The following PDE10A variants were observed in gnomAD, a reference collection of about 807,000 sequenced individuals.
PDE10A encodes the protein phosphodiesterase 10A.
PDE10A carries 39 observed loss-of-function variants against 97.7 expected under a neutral mutation model. The ratio of observed to expected loss-of-function variants is 0.40; its 90% confidence interval spans 0.31 to 0.52. The LOEUF is 0.52. Ranked by LOEUF, PDE10A falls within the 20% of genes least tolerant of loss-of-function variation. PDE10A has a pLI of 0.56. For missense variants in PDE10A, 731 were observed against 1,047.8 expected (o/e 0.70, Z 4.17); for synonymous variants, 371 against 376.8 (o/e 0.98, Z 0.18).
Position 165,460,384 on chromosome 6 carries a change from G to A in PDE10A, c.1024-10022C>T, listed in dbSNP as rs180763936. Among the ~76,000 whole-genome samples the A allele has an allele frequency of 2.4e-3, 371 of 152,316 alleles. 2 individuals are homozygous for A. The highest frequency in any genetic ancestry group is 8.4e-3 in the African/African-American group (350 of 41,564). Reference sequence around the variant, plus strand: ...CAGGGAAGCACAAAGCACAGCTCCTGATTGTGCCATATGTGGGAATGGGAA... The same window carrying A: ...CAGGGAAGCACAAAGCACAGCTCCTAATTGTGCCATATGTGGGAATGGGAA... On this transcript the variant is annotated intron_variant, in intron 3 of 21. Transcript: ENST00000539869.
At chr6:165,701,975 C>A (rs570523506) in intron 1 of PDE10A, among the ~76,000 whole-genome samples, 1 of 152,176 alleles carries the variant, frequency 6.6e-6, no homozygotes, top group Admixed American at 6.5e-5. Context: ...TGAGGAACAA[C>A]ACGCAGTCTG....
Position 165,771,080 on chromosome 6 carries a change from A to G in PDE10A, c.-615+216449T>C, listed in dbSNP as rs571268745. ...GAATGAGGCTTTCAGGGCAGAGCCC[A>G]TGTTTTGTTCATATTTTTATGTGTT... On this transcript the variant is annotated intron_variant, in intron 1 of 19. Coordinates refer to the PDE10A transcript ENST00000366882. Among the ~76,000 whole-genome samples, 5 of 152,318 alleles carry G rather than the reference A, an allele frequency of 3.3e-5. No homozygotes were observed. In the East Asian group the frequency reaches 9.7e-4, roughly 29 times the overall value.
intron 1 of PDE10A, among the ~76,000 whole-genome samples, chr6:165,598,919 T>C (rs1786769605): frequency 6.6e-6 from 1 of 152,192 alleles, no homozygotes; most frequent in Non-Finnish European, 1.5e-5. Context: ...TCCCTGTACA[T>C]GTCCAGTTCT....
At chr6:165,693,546 A>C (rs933232831) in intron 1 of PDE10A, among the ~76,000 whole-genome samples, 2 of 151,358 alleles carry the variant, frequency 1.3e-5, no homozygotes, top group African/African-American at 4.8e-5. Context: ...AAAAAAAAAA[A>C]AAAAAACCGA....
At chr6:165,614,668 G>C (rs76449495) in intron 1 of PDE10A, among the ~76,000 whole-genome samples, 1,535 of 152,160 alleles carry the variant, frequency 0.01, 23 homozygotes, top group African/African-American at 0.035. Flanking sequence ...TCTTTATTTT[G>C]TTCACTGTTG....
chr6:165,581,850 A>C (rs918386864), intron 1 of PDE10A, among the ~76,000 whole-genome samples: 1 of 152,224 alleles, frequency 6.6e-6, no homozygotes, highest in African/African-American at 2.4e-5. Context: ...TGAATCAGTC[A>C]GTTGTTCTGA....
At chr6:165,871,191 A>G (rs188413124) in intron 1 of PDE10A, among the ~76,000 whole-genome samples, 1 of 152,358 alleles carries the variant, frequency 6.6e-6, no homozygotes, top group East Asian at 1.9e-4. Context: ...GTATTGAAAA[A>G]TCACATCTAC....
intron 5 of PDE10A, among the ~76,000 whole-genome samples, chr6:165,447,515 G>C (rs1032169816): frequency 2.3e-4 from 35 of 152,112 alleles, no homozygotes; most frequent in African/African-American, 8.5e-4. Flanking sequence ...ATGTGACGTG[G>C]ACCACAACAG....
chr6:165,911,988 T>A (rs1488350659), intron 1 of PDE10A, among the ~76,000 whole-genome samples: 1 of 152,012 alleles, frequency 6.6e-6, no homozygotes, highest in Non-Finnish European at 1.5e-5. Context: ...AGTCTAAATA[T>A]ATATATATAT....
chr6:165,696,110 G>C (rs1021753344), intron 1 of PDE10A, among the ~76,000 whole-genome samples: 1 of 149,734 alleles, frequency 6.7e-6, no homozygotes, highest in Admixed American at 6.6e-5. Flanking sequence ...GTGTTGGGGA[G>C]GGGGAAGGAA....
rs79100116 is a variant in PDE10A at position 165,331,055 on chromosome 6, A to T, written c.*1970T>A. The T allele has an allele frequency of 6.6e-6, 1 of 152,260 alleles. No individual in the cohort carries two copies. Among genetic ancestry groups the T allele is most frequent in the African/African-American group, 2.4e-5 (1 of 41,566 alleles). The allele number at this position is 152,260 out of a possible 1,614,324, so 9.4% of individuals were successfully genotyped here. ...AAGAATGGGAGAATGGGGCTGATTT[A>T]TATTTTTTCCTACATGTTTGCTTCT... On this transcript the variant is annotated 3_prime_UTR_variant, in exon 22 of 22. Coordinates refer to ENST00000539869, the MANE Select transcript of PDE10A (RefSeq NM_001385079.1).
chr6:165,389,992 C>T (rs1440243918), intron 16 of PDE10A, among the ~76,000 whole-genome samples: 1 of 152,118 alleles, frequency 6.6e-6, no homozygotes, highest in Non-Finnish European at 1.5e-5. Context: ...CAGGTTATGC[C>T]AAACATTGCT....
intron 18 of PDE10A, among the ~76,000 whole-genome samples, chr6:165,373,126 C>A (rs913852649): frequency 6.6e-6 from 1 of 151,162 alleles, no homozygotes; most frequent in Admixed American, 6.6e-5. Flanking sequence ...CATAAAAACC[C>A]TAGAAGAAAA....
intron 1 of PDE10A, among the ~76,000 whole-genome samples, chr6:165,692,270 T>A (rs935291695): frequency 7.9e-5 from 12 of 152,120 alleles, no homozygotes; most frequent in African/African-American, 2.4e-4. Context: ...GGTGAGATTA[T>A]AAAGGAGCCT....
chr6:165,775,459 G>T (rs1278617346), intron 1 of PDE10A: 1 of 152,180 alleles, frequency 6.6e-6, no homozygotes, highest in African/African-American at 2.4e-5. Flanking sequence ...GCAGCAGGAT[G>T]AATGTTTGCT....
At chr6:165,688,482 G>C (rs1305147658) in intron 1 of PDE10A, among the ~76,000 whole-genome samples, 3 of 152,218 alleles carry the variant, frequency 2.0e-5, no homozygotes, top group African/African-American at 7.2e-5. Flanking sequence ...CCCTGGACTT[G>C]AAGCCAGAGT....
intron 1 of PDE10A, among the ~76,000 whole-genome samples, chr6:165,945,363 T>G (rs1783732075): frequency 6.6e-6 from 1 of 152,170 alleles, no homozygotes; most frequent in African/African-American, 2.4e-5. Context: ...TTCCTAACCC[T>G]CAGAAACTAT....
intron 13 of PDE10A, among the ~76,000 whole-genome samples, chr6:165,406,016 G>A (rs1027421316): frequency 4.6e-5 from 7 of 151,714 alleles, no homozygotes; most frequent in African/African-American, 1.7e-4. Context: ...TGTGTGGAAC[G>A]AACAAATGTC....
intron 3 of PDE10A, among the ~76,000 whole-genome samples, chr6:165,466,760 AC>A (rs1198216591): frequency 4.6e-5 from 7 of 152,176 alleles, no homozygotes; most frequent in Non-Finnish European, 1.0e-4. Flanking sequence ...TTGAAATTAG[AC>A]AAACCAATTA....
Sources: allele counts gnomAD v4.1 joint callset (sites outside exome capture counted in the v4.1 genomes callset), GRCh38; gene constraint gnomAD v4.1.1; transcripts MANE v1.5; gene names NCBI Gene and HGNC (gene_info 2026-07-23, HGNC 2026-07-21).